The following DCDC1 variants were observed in gnomAD, a reference collection of about 807,000 sequenced individuals.
The protein encoded by DCDC1 is doublecortin domain-containing protein 1.
DCDC1 carries 200 observed loss-of-function variants against 178.3 expected under a neutral mutation model. That is an observed-to-expected ratio of 1.12 (90% CI 1.00 to 1.26). The LOEUF (loss-of-function observed/expected upper bound fraction) is 1.26, where lower values mean the gene tolerates loss of function less well. DCDC1 is among the 50% of genes most tolerant of loss of function. The probability of loss-of-function intolerance (pLI) is 0.00; values close to 1 mark genes in which losing one functional copy is unlikely to be tolerated. For synonymous variants in DCDC1, 690 were observed against 604.8 expected, an observed-to-expected ratio of 1.14 and a Z score of -2.07; for missense variants, 1,983 against 1,749.2, an observed-to-expected ratio of 1.13 and a Z score of -2.38.
At chr11:31,062,777 T>A (rs1198518572) in intron 20 of DCDC1, among the ~76,000 whole-genome samples, 1 of 151,908 alleles carries the variant, frequency 6.6e-6, no homozygotes, top group African/African-American at 2.4e-5. Flanking sequence ...TAGCTTTTTT[T>A]TCTTTTTTTT....
chr11:31,250,017 G>A (rs1034495673), intron 8 of DCDC1, among the ~76,000 whole-genome samples: 2 of 151,894 alleles, frequency 1.3e-5, no homozygotes, highest in African/African-American at 4.8e-5. Context: ...CTCCCTACAT[G>A]GAGCTTGAGA....
chr11:31,220,250 G>A (rs554297152), intron 9 of DCDC1, among the ~76,000 whole-genome samples: 16 of 152,254 alleles, frequency 1.1e-4, no homozygotes, highest in Admixed American at 6.5e-4. Context: ...TCTTTGAAAC[G>A]TGTAATGGGC....
chr11:31,250,526 T>G (rs1943950280), intron 8 of DCDC1, among the ~76,000 whole-genome samples: 1 of 148,672 alleles, frequency 6.7e-6, no homozygotes, highest in Non-Finnish European at 1.5e-5. Context: ...CCTAAACCCC[T>G]TAAAGAATAG....
At chr11:31,313,672 T>A (rs751519297) in intron 3 of DCDC1, among the ~76,000 whole-genome samples, 4 of 152,250 alleles carry the variant, frequency 2.6e-5, no homozygotes, top group Non-Finnish European at 4.4e-5. Flanking sequence ...TCCCAACTGA[T>A]ACTAAATTTA....
At chr11:30,964,416 T>C (rs890461198) in intron 20 of DCDC1, among the ~76,000 whole-genome samples, 7 of 152,170 alleles carry the variant, frequency 4.6e-5, no homozygotes, top group African/African-American at 1.7e-4. Context: ...TTGGAATTTA[T>C]TTGTATTGAC....
chr11:31,086,547 A>G (rs940450853), intron 17 of DCDC1, among the ~76,000 whole-genome samples: 3 of 152,102 alleles, frequency 2.0e-5, no homozygotes, highest in African/African-American at 7.2e-5. Context: ...AATGTTTAAT[A>G]TTGTTGAAGT....
intron 21 of DCDC1, among the ~76,000 whole-genome samples, chr11:30,940,997 T>C (rs1452236847): frequency 6.6e-6 from 1 of 152,212 alleles, no homozygotes; most frequent in Non-Finnish European, 1.5e-5. Context: ...CACAAGTTAG[T>C]TAAAACATCT....
At chr11:31,341,603 G>T (rs1462359739) in intron 1 of DCDC1, among the ~76,000 whole-genome samples, 1 of 152,108 alleles carries the variant, frequency 6.6e-6, no homozygotes, top group Non-Finnish European at 1.5e-5. Flanking sequence ...TGTACAGCAT[G>T]TAACTGTGTA....
intron 3 of DCDC1, among the ~76,000 whole-genome samples, chr11:31,314,838 G>T (rs1948974975): frequency 6.6e-6 from 1 of 152,104 alleles, no homozygotes; most frequent in African/African-American, 2.4e-5. Context: ...AATCATGATG[G>T]TGATATCTCA....
intron 9 of DCDC1, among the ~76,000 whole-genome samples, chr11:31,197,974 T>C (rs1212836009): frequency 6.6e-6 from 1 of 152,026 alleles, no homozygotes; most frequent in Non-Finnish European, 1.5e-5. Flanking sequence ...AACTGGTTGA[T>C]ATAAGTGCAA....
chr11:31,321,495 G>A (rs1219916922), intron 3 of DCDC1, among the ~76,000 whole-genome samples: 5 of 152,122 alleles, frequency 3.3e-5, no homozygotes, highest in Non-Finnish European at 7.4e-5. Flanking sequence ...GTGAGGCAAT[G>A]CCTCGCCCAG....
intron 9 of DCDC1, among the ~76,000 whole-genome samples, chr11:31,187,419 A>T (rs1021250577): frequency 6.6e-6 from 1 of 152,230 alleles, no homozygotes; most frequent in African/African-American, 2.4e-5. Context: ...CACTGGCAAG[A>T]TCAATGACAG....
chr11:31,283,337 CTAA>C (rs1330564149), intron 7 of DCDC1, among the ~76,000 whole-genome samples: 1 of 150,902 alleles, frequency 6.6e-6, no homozygotes, highest in Non-Finnish European at 1.5e-5. Context: ...CTTTTCTTCT[CTAA>C]TATCTAACCT....
chr11:31,178,406 G>T (rs748512466), intron 9 of DCDC1, among the ~76,000 whole-genome samples: 9 of 152,178 alleles, frequency 5.9e-5, no homozygotes, highest in South Asian at 2.1e-4. Context: ...AAACAAAAAT[G>T]TAAAGCCTGA....
intron 20 of DCDC1, among the ~76,000 whole-genome samples, chr11:31,063,236 C>T (rs994114475): frequency 3.3e-5 from 5 of 152,002 alleles, no homozygotes; most frequent in African/African-American, 1.2e-4. Flanking sequence ...AATAAGAACA[C>T]TTTTACACTG....
intron 18 of DCDC1, among the ~76,000 whole-genome samples, chr11:31,076,505 G>A (rs1025586845): frequency 6.6e-6 from 1 of 151,840 alleles, no homozygotes; most frequent in Non-Finnish European, 1.5e-5. Flanking sequence ...TGCACCATCA[G>A]GACTGGTTAA....
intron 20 of DCDC1, among the ~76,000 whole-genome samples, chr11:30,977,417 G>C (rs1028693863): frequency 6.6e-6 from 1 of 152,144 alleles, no homozygotes; most frequent in African/African-American, 2.4e-5. Context: ...ATTCATGCTT[G>C]TAATAAAATC....
At position 30,878,632 on chromosome 11, in the gene DCDC1, C is replaced by T. The variant is rs1040269399; in HGVS notation, c.5313G>A (p.Val1771=). 5 of 1,611,116 alleles carry T rather than the reference C, an allele frequency of 3.1e-6. No homozygotes were observed. Among genetic ancestry groups the T allele is most frequent in the Non-Finnish European group, 4.2e-6 (5 of 1,178,746 alleles). Residue 1771 remains valine (V), a synonymous_variant, in exon 38 of 39, where the codon GTG becomes GTA. Coordinates refer to ENST00000684477, the MANE Select transcript of DCDC1 (RefSeq NM_001387274.1). ...RQQGPQATDI[V]VSPSTKLLSL... is the part of the protein sequence containing the mutation. ...ACAGCAGCTTCGTGGATGGTGACAC[C>T]ACAATGTCTGTGGCTTGAGGGCCCT...
intron 9 of DCDC1, among the ~76,000 whole-genome samples, chr11:31,223,041 AT>A (rs1371215611): frequency 2.0e-5 from 3 of 152,230 alleles, no homozygotes; most frequent in Non-Finnish European, 4.4e-5. Flanking sequence ...ACATTAAAAT[AT>A]TATACATGAT....
Sources: allele counts gnomAD v4.1 joint callset (sites outside exome capture counted in the v4.1 genomes callset), GRCh38; gene constraint gnomAD v4.1.1; transcripts MANE v1.5; gene names NCBI Gene and HGNC (gene_info 2026-07-23, HGNC 2026-07-21).